The following MBOAT1 variants were observed in gnomAD, a reference collection of about 807,000 sequenced individuals.
MBOAT1 encodes the protein membrane bound glycerophospholipid O-acyltransferase 1.
Under a neutral mutation model 64.4 loss-of-function variants are expected in MBOAT1, and 67 were observed. That is an observed-to-expected ratio of 1.04 (90% CI 0.85 to 1.27). MBOAT1 has a LOEUF of 1.27. Ranked by LOEUF, MBOAT1 falls within the 50% of genes most tolerant of loss-of-function variation. The pLI is 0.00. For synonymous variants in MBOAT1, 229 were observed against 218.9 expected (o/e 1.05, Z -0.41); for missense variants, 563 against 604.6 (o/e 0.93, Z 0.72).
At chr6:20,121,765 G>A (rs964443168) in intron 8 of MBOAT1, among the ~76,000 whole-genome samples, 92 of 152,162 alleles carry the variant, frequency 6.0e-4, no homozygotes, top group Non-Finnish European at 1.8e-4. Flanking sequence ...GGTGGGTGAG[G>A]CAGCAGAAGA....
chr6:20,175,496 G>A (rs1395479654), intron 1 of MBOAT1, among the ~76,000 whole-genome samples: 1 of 151,784 alleles, frequency 6.6e-6, no homozygotes, highest in East Asian at 1.9e-4. Context: ...GCCCAGGCTG[G>A]AGTGCAGTAG....
At chr6:20,155,024 G>C (rs1001808168) in intron 1 of MBOAT1, among the ~76,000 whole-genome samples, 1 of 152,206 alleles carries the variant, frequency 6.6e-6, no homozygotes, top group African/African-American at 2.4e-5. Context: ...TCACAGCCCA[G>C]CCTGCAGCCA....
At chr6:20,118,564 T>C (rs905538316) in intron 8 of MBOAT1, 24 bp from the exon 9 acceptor site, 2 of 1,579,286 alleles carry the variant, frequency 1.3e-6, no homozygotes, top group South Asian at 1.1e-5. Flanking sequence ...AGTAACACAT[T>C]AGGATATGGA....
chr6:20,177,783 A>AC (rs1037340458), intron 1 of MBOAT1, among the ~76,000 whole-genome samples: 1 of 144,964 alleles, frequency 6.9e-6, no homozygotes, highest in African/African-American at 2.5e-5. Context: ...CAAAAAAAAA[A>AC]AAAAAAAACA....
intron 4 of MBOAT1, among the ~76,000 whole-genome samples, chr6:20,134,341 C>A (rs1260672633): frequency 6.6e-6 from 1 of 151,720 alleles, no homozygotes; most frequent in Non-Finnish European, 1.5e-5. Context: ...TATGTAAAAG[C>A]CATACTGTCA....
chr6:20,177,228 T>C (rs528498042), intron 1 of MBOAT1, among the ~76,000 whole-genome samples: 1 of 152,190 alleles, frequency 6.6e-6, no homozygotes, highest in Non-Finnish European at 1.5e-5. Flanking sequence ...CCTGGTTCAT[T>C]TTCTTAAGCA....
At chr6:20,193,565 C>G (rs1031069303) in intron 1 of MBOAT1, among the ~76,000 whole-genome samples, 12 of 150,962 alleles carry the variant, frequency 7.9e-5, no homozygotes, top group Admixed American at 2.6e-4. Context: ...ATGAAAATTA[C>G]CTGTGAGGAG....
intron 1 of MBOAT1, among the ~76,000 whole-genome samples, chr6:20,163,717 A>T (rs1761931088): frequency 6.6e-6 from 1 of 152,148 alleles, no homozygotes; most frequent in African/African-American, 2.4e-5. Flanking sequence ...TGAACATCAG[A>T]GTTAAGACCA....
rs888971796 is a variant in MBOAT1 at position 20,149,320 on chromosome 6, C to T, written c.323+1865G>A. Among the ~76,000 whole-genome samples, 13 of 151,942 alleles carry T rather than the reference C, an allele frequency of 8.6e-5. No individual in the cohort carries two copies. In the East Asian group the frequency reaches 1.2e-3, roughly 14 times the overall value. ...CTAGGCCTGATATGAAACAAGTGTG[C>T]GTGTCAAGTTCCTGACCCTCTGAAA... On this transcript the variant is annotated intron_variant, in intron 3 of 12. Coordinates refer to ENST00000324607, the MANE Select transcript of MBOAT1 (RefSeq NM_001080480.3).
At chr6:20,179,191 G>A (rs1024568102) in intron 1 of MBOAT1, among the ~76,000 whole-genome samples, 1 of 150,880 alleles carries the variant, frequency 6.6e-6, no homozygotes, top group Non-Finnish European at 1.5e-5. Context: ...GTGCTACTGA[G>A]AAAACTCACA....
At position 20,160,876 on chromosome 6, in the gene MBOAT1, T is replaced by A. The variant is rs78838104; in HGVS notation, c.100-8107A>T. Among the ~76,000 whole-genome samples, 272 of 152,340 alleles carry A rather than the reference T, an allele frequency of 1.8e-3. 10 individuals carry two copies. The East Asian group carries it at 0.051, about 29-fold the overall frequency. ...AATGTCAGCAGGAAGTATTTTTAAA[T>A]CTCTAAAGAGCCTTCTTTTTCCCAG... On this transcript the variant is annotated intron_variant, in intron 1 of 12. Coordinates refer to ENST00000324607, the MANE Select transcript of MBOAT1 (RefSeq NM_001080480.3).
intron 2 of MBOAT1, among the ~76,000 whole-genome samples, chr6:20,152,092 G>A (rs1045853115): frequency 3.6e-4 from 55 of 152,048 alleles, no homozygotes; most frequent in African/African-American, 1.3e-3. Context: ...AGGCCAAGGC[G>A]GATGGATCGC....
intron 1 of MBOAT1, among the ~76,000 whole-genome samples, chr6:20,159,351 G>A (rs1053012279): frequency 6.6e-6 from 1 of 152,102 alleles, no homozygotes; most frequent in African/African-American, 2.4e-5. Context: ...CACCCTATGA[G>A]AACTATAGCC....
At position 20,212,154 on chromosome 6, in the gene MBOAT1, C is replaced by T. The variant is rs201368076; in HGVS notation, c.81G>A (p.Leu27=). Residue 27 remains leucine (L), a synonymous_variant, in exon 1 of 13, where the codon CTG becomes CTA. Coordinates refer to ENST00000324607, the MANE Select transcript of MBOAT1 (RefSeq NM_001080480.3). The stretch of plus-strand genomic sequence containing the variant: ...CAGTTACCTGGTCCAGCGGGATGCC[C>T]AGGAGCTCGCTGAGCGGGTGCAGGT... ...STYLHPLSEL[L]GIPLDQVNFV... The T allele has an allele frequency of 7.9e-5, 127 of 1,613,678 alleles. No individual in the cohort carries two copies. In the East Asian group the frequency reaches 2.8e-3, roughly 35 times the overall value.
At chr6:20,121,547 T>TC (rs1760493381) in intron 8 of MBOAT1, among the ~76,000 whole-genome samples, 1 of 152,192 alleles carries the variant, frequency 6.6e-6, no homozygotes, top group African/African-American at 2.4e-5. Flanking sequence ...TCTGGGGAAC[T>TC]CCCCGAAGGG....
chr6:20,141,359 C>CTTTTTTTTTTTTTTTT (rs755615744), intron 4 of MBOAT1, among the ~76,000 whole-genome samples: 12 of 99,786 alleles, frequency 1.2e-4, no homozygotes, highest in African/African-American at 2.3e-4. Flanking sequence ...TTTTCTTTTT[C>CTTTTTTTTTTTTTTTT]TTTTTTTTTT....
intron 1 of MBOAT1, among the ~76,000 whole-genome samples, chr6:20,190,063 C>T (rs1332670012): frequency 6.6e-6 from 1 of 151,880 alleles, no homozygotes; most frequent in South Asian, 2.1e-4. Flanking sequence ...GATGCGATCT[C>T]GGCTCACTGC....
chr6:20,151,447 T>C (rs1452673541), intron 2 of MBOAT1, among the ~76,000 whole-genome samples, 185 bp from the exon 3 acceptor site: 1 of 152,240 alleles, frequency 6.6e-6, no homozygotes, highest in African/African-American at 2.4e-5. Context: ...TAAGATGCTG[T>C]ATCATAACGA....
intron 1 of MBOAT1, among the ~76,000 whole-genome samples, chr6:20,202,178 A>G (rs1763140843): frequency 6.6e-6 from 1 of 152,220 alleles, no homozygotes. Flanking sequence ...CAAGTCAGCC[A>G]CAGAATGATG....
Sources: gnomAD v4.1 joint callset for allele counts (sites outside exome capture counted in the v4.1 genomes callset) on GRCh38, gnomAD v4.1.1 for gene constraint, MANE v1.5 for transcripts, NCBI Gene and HGNC (gene_info 2026-07-23, HGNC 2026-07-21) for gene names.